Variants in ACACA observed in about 807,000 individuals in gnomAD.
The protein encoded by ACACA is acetyl-CoA carboxylase alpha, also known as acetyl-CoA carboxylase 1.
A neutral mutation model predicts 296.1 loss-of-function variants in ACACA; 103 were observed. The observed-to-expected ratio is 0.35, with a 90% CI of 0.30 to 0.41. The LOEUF (loss-of-function observed/expected upper bound fraction) is 0.41, where lower values mean the gene tolerates loss of function less well. ACACA is among the 10% of genes least tolerant of loss of function. The pLI, the probability that ACACA is intolerant of heterozygous loss-of-function variation, is 1.00. For synonymous variants in ACACA, 953 were observed against 1,038.6 expected, an observed-to-expected ratio of 0.92 and a Z score of 1.58; for missense variants, 1,554 against 2,989.7, an observed-to-expected ratio of 0.52 and a Z score of 11.20.
Position 37,225,092 on chromosome 17 carries a change from G to T in ACACA, c.3374C>A (p.Ser1125Tyr). ...ALRARQVLIA[S>Y]HLPSYELRHN... ...GCGAAGCTCATATGATGGCAAATGGGAGGCAATAAGAACCTAGAGTGAGAA... is the reference window on the plus strand; with the variant it reads ...GCGAAGCTCATATGATGGCAAATGGTAGGCAATAAGAACCTAGAGTGAGAA... Residue 1125 changes from serine (S) to tyrosine (Y), a missense_variant, in exon 27 of 56, where the codon TCC (serine) becomes TAC (tyrosine). By Grantham distance (144) the Ser-to-Tyr change is moderately radical. Around this residue, in one of 16 missense-constraint regions of ACACA, gnomAD observed 42 missense variants for 147.5 expected, o/e 0.28. Coordinates refer to ENST00000616317, the MANE Select transcript of ACACA (RefSeq NM_198834.3). 1 of 1,606,846 alleles carries T rather than the reference G, an allele frequency of 6.2e-7. No homozygotes were observed. Among genetic ancestry groups the T allele is most frequent in the Non-Finnish European group, 8.5e-7 (1 of 1,173,616 alleles).
intron 2 of ACACA, among the ~76,000 whole-genome samples, chr17:37,338,475 A>G (rs1272995040): frequency 2.0e-5 from 3 of 150,020 alleles, no homozygotes. Flanking sequence ...TGGCCAACAC[A>G]GTGAAACCCC....
chr17:37,256,242 T>C (rs927381997), intron 14 of ACACA, among the ~76,000 whole-genome samples: 2 of 152,202 alleles, frequency 1.3e-5, no homozygotes, highest in Admixed American at 6.5e-5. Flanking sequence ...AGCCAACAAT[T>C]TGCAAGCTCT....
chr17:37,269,489 G>A (rs566038070), intron 10 of ACACA, among the ~76,000 whole-genome samples: 1 of 152,202 alleles, frequency 6.6e-6, no homozygotes, highest in South Asian at 2.1e-4. Context: ...CTAACACAAA[G>A]CCTATATTAT....
chr17:37,143,046 A>T (rs940152765), intron 45 of ACACA, among the ~76,000 whole-genome samples: 4 of 152,118 alleles, frequency 2.6e-5, no homozygotes, highest in African/African-American at 9.7e-5. Flanking sequence ...TCTCACAGCG[A>T]CTCTGGTACA....
intron 1 of ACACA, among the ~76,000 whole-genome samples, chr17:37,363,757 G>A (rs1274387601): frequency 2.0e-5 from 3 of 151,592 alleles, no homozygotes; most frequent in African/African-American, 4.8e-5. Context: ...AACACAAGGC[G>A]GGTGGATCAC....
intron 11 of ACACA, among the ~76,000 whole-genome samples, chr17:37,263,346 A>C (rs1323890352): frequency 6.6e-6 from 1 of 152,226 alleles, no homozygotes; most frequent in East Asian, 1.9e-4. Context: ...ACTTGATGAT[A>C]CTCAACCCAG....
At chr17:37,377,865 C>A (rs1184007185) in intron 1 of ACACA, 2 of 1,608,124 alleles carry the variant, frequency 1.2e-6, no homozygotes, top group Admixed American at 1.7e-5. Flanking sequence ...TCCTCCCCCT[C>A]TGCTCACCCC....
rs578169236 is a variant in ACACA at position 37,293,265 on chromosome 17, G to A, written c.339-8295C>T. 9.2e-5 allele frequency among the ~76,000 whole-genome samples: 14 copies of A among 152,092 alleles called. No homozygotes were observed. The South Asian group carries it at 1.2e-3, about 14-fold the overall frequency. ...TTGAACTAACTTTTAGAAAACTTCCGAATTAGACAAAATTATTATTTTTTC... is the reference window on the plus strand; with the variant it reads ...TTGAACTAACTTTTAGAAAACTTCCAAATTAGACAAAATTATTATTTTTTC... On this transcript the variant is annotated intron_variant, in intron 3 of 55. Transcript: ENST00000616317.
intron 1 of ACACA, among the ~76,000 whole-genome samples, chr17:37,373,987 A>G (rs921009932): frequency 5.9e-5 from 9 of 152,170 alleles, no homozygotes; most frequent in African/African-American, 1.9e-4. Flanking sequence ...TTGGACCAAT[A>G]AAGATGTGAG....
At chr17:37,233,754 C>T (rs749731479) in intron 25 of ACACA, among the ~76,000 whole-genome samples, 1 of 152,108 alleles carries the variant, frequency 6.6e-6, no homozygotes, top group Non-Finnish European at 1.5e-5. Context: ...TAGCAAGCTG[C>T]CATAGATTGT....
At chr17:37,366,377 G>C (rs902611918) in intron 1 of ACACA, among the ~76,000 whole-genome samples, 1 of 151,994 alleles carries the variant, frequency 6.6e-6, no homozygotes, top group African/African-American at 2.4e-5. Flanking sequence ...GAAAAATTGA[G>C]CCATCATTCA....
At chr17:37,341,570 ATCCCAGC>A in intron 1 of ACACA, among the ~76,000 whole-genome samples, 2 of 151,752 alleles carry the variant, frequency 1.3e-5, no homozygotes, top group Admixed American at 1.3e-4. Context: ...TGTGCCTGTA[ATCCCAGC>A]TACTCAGGAG....
rs553717975 is a variant in ACACA at position 37,191,971 on chromosome 17, A to G, written c.4416+119T>C. 323 of 1,060,898 alleles carry G rather than the reference A, an allele frequency of 3.0e-4. 2 individuals carry two copies. The highest frequency in any genetic ancestry group is 1.1e-3 in the South Asian group (80 of 69,702). 65.7% of individuals were successfully genotyped at this position (1,060,898 alleles called of 1,614,324 possible). A position where few individuals can be genotyped will look rare whatever the true frequency, so the allele number is the denominator to read the frequency against. ...AACAAGAACCTTGATTCAAAAAATG[A>G]AAACCTGATCTTTTTTTTATGTTCT... On this transcript the variant is annotated intron_variant, in intron 37 of 55. Coordinates refer to ENST00000616317, the MANE Select transcript of ACACA (RefSeq NM_198834.3).
Position 37,221,849 on chromosome 17 carries a change from C to A in ACACA, c.3565-7G>T. On this transcript the variant is annotated splice_region_variant and splice_polypyrimidine_tract_variant and intron_variant, in intron 28 of 55. Transcript: ENST00000616317. ...AAGCCCTTCGAACATACACCTGGTTCAAAAGAAACCCTCAGTAAATAAATT... is the reference window on the plus strand; with the variant it reads ...AAGCCCTTCGAACATACACCTGGTTAAAAAGAAACCCTCAGTAAATAAATT... 1.3e-6 allele frequency: 2 copies of A among 1,599,372 alleles called. No homozygotes were observed. The highest frequency in any genetic ancestry group is 1.7e-6 in the Non-Finnish European group (2 of 1,166,774).
At position 37,406,377 on chromosome 17, in the gene ACACA, C is replaced by T; in HGVS notation, c.-78G>A. On this transcript the variant is annotated 5_prime_UTR_variant, in exon 1 of 56. Coordinates refer to ENST00000616317, the MANE Select transcript of ACACA (RefSeq NM_198834.3). ...TTCTTTCCAAAGAAGACAATTTCGA[C>T]GTTCCAGGAGCATCTGATTGAAACG... 6.6e-7 allele frequency: 1 copy of T among 1,515,280 alleles called. No individual in the cohort carries two copies. Among genetic ancestry groups the T allele is most frequent in the South Asian group, 1.1e-5 (1 of 89,132 alleles). 93.9% of individuals were successfully genotyped at this position (1,515,280 alleles called of 1,614,324 possible). A position where few individuals can be genotyped will look rare whatever the true frequency, so the allele number is the denominator to read the frequency against.
At chr17:37,404,587 T>C (rs74598121) in intron 1 of ACACA, among the ~76,000 whole-genome samples, 2 of 149,948 alleles carry the variant, frequency 1.3e-5, no homozygotes, top group Non-Finnish European at 3.0e-5. Flanking sequence ...TTTTTTTTTT[T>C]TTTTTGAGAT....
chr17:37,361,322 A>C (rs2049397015), intron 1 of ACACA, among the ~76,000 whole-genome samples: 1 of 152,116 alleles, frequency 6.6e-6, no homozygotes, highest in South Asian at 2.1e-4. Flanking sequence ...AATGTGAGCC[A>C]CCACGCCAAG....
chr17:37,134,107 G>A (rs527337376), intron 45 of ACACA, among the ~76,000 whole-genome samples: 1 of 152,194 alleles, frequency 6.6e-6, no homozygotes, highest in Admixed American at 6.5e-5. Context: ...AAGATGCTAC[G>A]TAGCCTTTAG....
intron 39 of ACACA, among the ~76,000 whole-genome samples, chr17:37,187,411 C>A (rs1342593448): frequency 6.6e-6 from 1 of 152,214 alleles, no homozygotes; most frequent in Non-Finnish European, 1.5e-5. Flanking sequence ...TTTATGTATA[C>A]TGGAGCAGGT....
Sources: gnomAD v4.1 joint callset for allele counts (sites outside exome capture counted in the v4.1 genomes callset) on GRCh38, gnomAD v4.1.1 for gene constraint, gnomAD v4.1.1 regional missense constraint, MANE v1.5 for transcripts, NCBI Gene and HGNC (gene_info 2026-07-23, HGNC 2026-07-21) for gene names.